The following PRAMEF17 variants were observed in gnomAD, a reference collection of about 807,000 sequenced individuals.
The protein encoded by PRAMEF17 is PRAME family member 17.
A neutral mutation model predicts 36.8 loss-of-function variants in PRAMEF17; 48 were observed. The observed-to-expected ratio is 1.30, with a 90% CI of 1.03 to 1.66. The LOEUF is 1.66. Among genes scored for constraint, PRAMEF17 ranks in the 40% most tolerant of loss-of-function variants. The pLI is 0.00. For synonymous variants in PRAMEF17, 246 were observed against 220.4 expected (o/e 1.12, Z -1.03); for missense variants, 639 against 560.6 (o/e 1.14, Z -1.41).
Position 13,389,762 on chromosome 1 carries a change from C to G in PRAMEF17, c.105C>G (p.Val35=). 1 of 1,612,566 alleles carries G rather than the reference C, an allele frequency of 6.2e-7. No individual in the cohort carries two copies. Among genetic ancestry groups the G allele is most frequent in the Non-Finnish European group, 8.5e-7 (1 of 1,180,026 alleles). The part of the protein sequence containing the change: ...IFILDELPRE[V]FPLMFMEASS... ...TCCTGGACGAGCTGCCCAGGGAGGT[C>G]TTCCCTCTGATGTTCATGGAGGCCT... is the stretch of plus-strand genomic sequence containing the variant. Residue 35 remains valine (V), a synonymous_variant, in exon 1 of 3, where the codon GTC becomes GTG. Coordinates refer to ENST00000376098, the MANE Select transcript of PRAMEF17 (RefSeq NM_001099851.3).
chr1:13,389,641 A>C lies in PRAMEF17; in HGVS notation c.-17A>C, dbSNP rs2359310. 1,759 of 1,605,580 alleles carry C rather than the reference A, an allele frequency of 1.1e-3. 10 individuals carry two copies. The highest frequency in any genetic ancestry group is 1.9e-3 in the South Asian group (171 of 90,798). ...ACTGGATTGTCCTCTAGAGTTTTTC[A>C]CTGGAGATTTGTCAGAATGAGCCTC... is the stretch of plus-strand genomic sequence containing the variant. On this transcript the variant is annotated 5_prime_UTR_variant, in exon 1 of 3. Transcript: ENST00000376098.
chr1:13,392,324 T>A lies in PRAMEF17; in HGVS notation c.1247T>A (p.Leu416Gln). The part of the protein sequence containing the change: ...KLGLELYPAP[L>Q]ECLDNRGHVN... ...GGTCTGGAGTTGTATCCTGCCCCTC[T>A]GGAGTGTCTTGACAACAGGGGTCAT... The change falls in exon 3 of 3, where the codon CTG becomes CAG. Residue 416 changes from leucine to glutamine, a missense_variant. By Grantham distance (113) the Leu-to-Gln change is moderately radical. Coordinates refer to ENST00000376098, the MANE Select transcript of PRAMEF17 (RefSeq NM_001099851.3). 6.2e-7 allele frequency: 1 copy of A among 1,611,992 alleles called. No individual in the cohort carries two copies. Among genetic ancestry groups the A allele is most frequent in the Non-Finnish European group, 8.5e-7 (1 of 1,179,860 alleles).
At position 13,392,444 on chromosome 1, in the gene PRAMEF17, C is replaced by T. The variant is rs773270615; in HGVS notation, c.1367C>T (p.Pro456Leu). 1.4e-4 allele frequency: 231 copies of T among 1,611,894 alleles called. No homozygotes were observed. The highest frequency in any genetic ancestry group is 1.9e-4 in the Non-Finnish European group (224 of 1,179,868). The change falls in exon 3 of 3, where the codon CCC (proline) becomes CTC (leucine). Residue 456 changes from proline (P) to leucine (L), a missense_variant. Physicochemically the swap from Pro to Leu is moderately conservative, Grantham distance 98 (BLOSUM62 -3). Coordinates refer to ENST00000376098, the MANE Select transcript of PRAMEF17 (RefSeq NM_001099851.3). ...AAGAGGATCTTTTTTGGTCCCATCC[C>T]CTGCCCTTCCTGTGGCTCATGGCCA... ...QPKRIFFGPI[P>L]CPSCGSWPSE...
At chr1:13,390,018 G>C (rs1417954524) in intron 1 of PRAMEF17, 74 bp downstream of exon 1, 1 of 1,607,518 alleles carries the variant, frequency 6.2e-7, no homozygotes, top group Non-Finnish European at 8.5e-7. Flanking sequence ...AGGAGGAGTG[G>C]TGGGGTTGGG....
chr1:13,390,101 AG>A (rs1640859851), intron 1 of PRAMEF17, among the ~76,000 whole-genome samples, 157 bp downstream of exon 1: 2 of 152,138 alleles, frequency 1.3e-5, no homozygotes, highest in Non-Finnish European at 2.9e-5. Context: ...CCTCTGGAAA[AG>A]GACTGCTCAC....
chr1:13,390,946 G>A (rs2100406988), intron 2 of PRAMEF17, 27 bp downstream of exon 2: 3 of 1,611,828 alleles, frequency 1.9e-6, no homozygotes, highest in Non-Finnish European at 2.5e-6. Flanking sequence ...AGCTTTCTCT[G>A]CAGACCATAC....
chr1:13,389,976 G>C, intron 1 of PRAMEF17, 32 bp downstream of exon 1: 1 of 1,612,166 alleles, frequency 6.2e-7, no homozygotes, highest in East Asian at 2.2e-5. Context: ...GGTGGGAAGG[G>C]TCCAGGCATC....
In PRAMEF17 at chr1:13,390,839, A is replaced by G; in HGVS notation, c.786A>G (p.Pro262=). ...AGTTCGTTCCTGACTTGGACTGTCC[A>G]TTCCTCTGCCTGTACTACCCTCAGA... ...QQQFVPDLDC[P]FLCLYYPQML... is the part of the protein sequence containing the mutation. The change falls in exon 2 of 3, where the codon CCA becomes CCG. Residue 262 remains proline, a synonymous_variant. Coordinates refer to ENST00000376098, the MANE Select transcript of PRAMEF17 (RefSeq NM_001099851.3). 6.2e-7 allele frequency: 1 copy of G among 1,612,046 alleles called. No individual in the cohort carries two copies. Among genetic ancestry groups the G allele is most frequent in the South Asian group, 1.1e-5 (1 of 90,992 alleles).
At chr1:13,391,918 C>G in intron 2 of PRAMEF17, 26 bp from the exon 3 acceptor site, 1 of 1,607,830 alleles carries the variant, frequency 6.2e-7, no homozygotes, top group East Asian at 2.2e-5. Context: ...CACCATTGCC[C>G]ATAACTAATT....
At chr1:13,390,206 C>A (rs948529415) in intron 1 of PRAMEF17, 135 bp from the exon 2 acceptor site, 5 of 1,449,178 alleles carry the variant, frequency 3.5e-6, no homozygotes, top group Non-Finnish European at 4.7e-6. Flanking sequence ...CAAGGGGGAG[C>A]GGGATGGAGA....
chr1:13,391,872 C>A, intron 2 of PRAMEF17, 72 bp from the exon 3 acceptor site: 2 of 1,583,098 alleles, frequency 1.3e-6, no homozygotes, highest in South Asian at 1.1e-5. Context: ...TCAAGTTTAC[C>A]ATTGAGATGA....
chr1:13,389,706 C>T lies in PRAMEF17; in HGVS notation c.49C>T (p.Leu17=). 1.9e-6 allele frequency: 3 copies of T among 1,612,070 alleles called. No homozygotes were observed. Among genetic ancestry groups the T allele is most frequent in the Non-Finnish European group, 2.5e-6 (3 of 1,179,908 alleles). ...SRLLELAGQS[L]LRNQFLTIFI... ...ACTCCTGGAGCTGGCAGGCCAGAGC[C>T]TGCTGAGGAACCAGTTCTTGACCAT... is the stretch of plus-strand genomic sequence containing the variant. The change falls in exon 1 of 3, where the codon CTG becomes TTG. Residue 17 remains leucine, a synonymous_variant. Transcript: ENST00000376098.
Position 13,389,634 on chromosome 1 carries a change from GT to G in PRAMEF17, c.-19del. ...CCTTTTCACTGGATTGTCCTCTAGAGTTTTTCACTGGAGATTTGTCAGAATG... is the reference window on the plus strand; with the variant it reads ...CCTTTTCACTGGATTGTCCTCTAGAGTTTTCACTGGAGATTTGTCAGAATG... On this transcript the variant is annotated 5_prime_UTR_variant, in exon 1 of 3. Transcript: ENST00000376098. The G allele has an allele frequency of 6.2e-7, 1 of 1,611,954 alleles. No homozygotes were observed. Among genetic ancestry groups the G allele is most frequent in the Non-Finnish European group, 8.5e-7 (1 of 1,179,842 alleles).
At chr1:13,391,258 C>T (rs1640876379) in intron 2 of PRAMEF17, among the ~76,000 whole-genome samples, 1 of 152,022 alleles carries the variant, frequency 6.6e-6, no homozygotes, top group Non-Finnish European at 1.5e-5. Flanking sequence ...ACTTATTCTT[C>T]ATATAGAGGA....
Position 13,391,977 on chromosome 1 carries a change from C to T in PRAMEF17, c.900C>T (p.Phe300=), listed in dbSNP as rs770628402. ...AGAACCCCTTGGGAACCTTTATATTCTGTCATGCTTACCTAGCTGATCAGG... is the reference window on the plus strand; with the variant it reads ...AGAACCCCTTGGGAACCTTTATATTTTGTCATGCTTACCTAGCTGATCAGG... ...CLKNPLGTFI[F]CHAYLADQDM... is the part of the protein sequence containing the mutation. Residue 300 remains phenylalanine (F), a synonymous_variant, in exon 3 of 3, where the codon TTC becomes TTT. Coordinates refer to ENST00000376098, the MANE Select transcript of PRAMEF17 (RefSeq NM_001099851.3). The T allele has an allele frequency of 1.2e-5, 20 of 1,611,784 alleles. No individual in the cohort carries two copies. Among genetic ancestry groups the T allele is most frequent in the Non-Finnish European group, 1.3e-5 (15 of 1,179,794 alleles).
At position 13,390,866 on chromosome 1, in the gene PRAMEF17, G is replaced by A. The variant is rs1465151113; in HGVS notation, c.813G>A (p.Met271Ile). Residue 271 changes from methionine (M) to isoleucine (I), a missense_variant, in exon 2 of 3, where the codon ATG becomes ATA. Coordinates refer to ENST00000376098, the MANE Select transcript of PRAMEF17 (RefSeq NM_001099851.3). ...TCCTCTGCCTGTACTACCCTCAGAT[G>A]CTTTATATAAGAAAGATCAGTAATA... Reference protein sequence around the residue: ...CPFLCLYYPQMLYIRKISNIK... With the variant: ...CPFLCLYYPQILYIRKISNIK... 8 of 1,612,030 alleles carry A rather than the reference G, an allele frequency of 5.0e-6. No individual in the cohort carries two copies. The Admixed American group carries it at 8.3e-5, about 17-fold the overall frequency.
rs747399831 is a variant in PRAMEF17, at chr1:13,392,141, C to A, written c.1064C>A (p.Thr355Lys). Residue 355 changes from threonine to lysine, a missense_variant, in exon 3 of 3, where the codon ACG becomes AAG. By Grantham distance (78) the Thr-to-Lys change is moderately conservative. Coordinates refer to ENST00000376098, the MANE Select transcript of PRAMEF17 (RefSeq NM_001099851.3). ...EKVAATLEIL[T>K]LKDCQIQDSQ... ...GTTGCTGCTACTCTCGAGATCCTCA[C>A]GTTAAAGGACTGTCAGATCCAGGAC... 2 of 1,611,830 alleles carry A rather than the reference C, an allele frequency of 1.2e-6. No individual in the cohort carries two copies. Among genetic ancestry groups the A allele is most frequent in the Admixed American group, 3.3e-5 (2 of 59,976 alleles).
chr1:13,392,099 G>A lies in PRAMEF17; in HGVS notation c.1022G>A (p.Gly341Glu). 6.2e-7 allele frequency: 1 copy of A among 1,611,876 alleles called. No homozygotes were observed. The highest frequency in any genetic ancestry group is 8.5e-7 in the Non-Finnish European group (1 of 1,179,828). Residue 341 changes from glycine (G) to glutamate (E), a missense_variant, in exon 3 of 3, where the codon GGA becomes GAA. Transcript: ENST00000376098. The part of the protein sequence containing the change: ...LMWTTNLEPL[G>E]ALLEKVAATL... ...TGGACTACCAATCTTGAGCCCCTTG[G>A]AGCTCTGCTAGAGAAAGTTGCTGCT...
In PRAMEF17 at chr1:13,390,893, C is replaced by A. The variant is rs1170729707; in HGVS notation, c.840C>A (p.Ile280=). The change falls in exon 2 of 3, where the codon ATC becomes ATA. Residue 280 remains isoleucine (I), a synonymous_variant. Transcript: ENST00000376098. The part of the protein sequence containing the change: ...QMLYIRKISN[I]KEHLEHLLRC... ...TTTATATAAGAAAGATCAGTAATAT[C>A]AAAGAGCACCTGGAGCACCTGCTCA... The A allele has an allele frequency of 6.2e-7, 1 of 1,612,014 alleles. No individual in the cohort carries two copies. The highest frequency in any genetic ancestry group is 8.5e-7 in the Non-Finnish European group (1 of 1,179,870).
Sources: gnomAD v4.1 joint callset for allele counts (sites outside exome capture counted in the v4.1 genomes callset) on GRCh38, gnomAD v4.1.1 for gene constraint, MANE v1.5 for transcripts, NCBI Gene and HGNC (gene_info 2026-07-23, HGNC 2026-07-21) for gene names.